The following BLTP3B variants were observed in gnomAD, a reference collection of about 807,000 sequenced individuals.
BLTP3B encodes the protein bridge-like lipid transfer protein family member 3B.
At chr12:100,117,086 A>AATAC in the BLTP3B span, among the ~76,000 whole-genome samples, 1 of 152,238 alleles carries the variant, frequency 6.6e-6, no homozygotes, top group Non-Finnish European at 1.5e-5. Flanking sequence ...TAAATAAATA[A>AATAC]CTTGGAGAAA....
chr12:100,077,611 T>C, the BLTP3B span, among the ~76,000 whole-genome samples: 11 of 152,328 alleles, frequency 7.2e-5, no homozygotes, highest in Non-Finnish European at 1.3e-4. Context: ...CTTCAGATAT[T>C]GCCAAATGTC....
the BLTP3B span, among the ~76,000 whole-genome samples, chr12:100,115,643 G>A: frequency 4.8e-3 from 731 of 152,034 alleles, 5 homozygotes; most frequent in Non-Finnish European, 7.7e-3. Flanking sequence ...GGTGGCACAC[G>A]CCTGTAGCTA....
chr12:100,082,893 A>G, the BLTP3B span: 1 of 677,102 alleles, frequency 1.5e-6, no homozygotes, highest in Non-Finnish European at 2.5e-6. Flanking sequence ...ATGCCATCTA[A>G]TATGGCCATT....
chr12:100,109,518 T>C, the BLTP3B span, among the ~76,000 whole-genome samples: 2 of 152,076 alleles, frequency 1.3e-5, no homozygotes, highest in African/African-American at 4.8e-5. Context: ...AATCCCAGCA[T>C]TTTAGGAGTC....
At chr12:100,141,514 A>T in the BLTP3B span, among the ~76,000 whole-genome samples, 1 of 152,162 alleles carries the variant, frequency 6.6e-6, no homozygotes, top group Non-Finnish European at 1.5e-5. Context: ...ATTCAGTATT[A>T]TAAGTGAGGA....
At chr12:100,085,493 A>G in the BLTP3B span, among the ~76,000 whole-genome samples, 67 of 152,350 alleles carry the variant, frequency 4.4e-4, no homozygotes, top group African/African-American at 1.5e-3. Flanking sequence ...GAATTATTAT[A>G]TTGAATGTTG....
the BLTP3B span, among the ~76,000 whole-genome samples, chr12:100,122,595 C>T: frequency 1.3e-5 from 2 of 152,176 alleles, no homozygotes; most frequent in African/African-American, 4.8e-5. Context: ...TAAACATTTT[C>T]TTTTTTCATA....
At chr12:100,063,611 C>T in the BLTP3B span, among the ~76,000 whole-genome samples, 22 of 149,980 alleles carry the variant, frequency 1.5e-4, no homozygotes, top group African/African-American at 3.9e-4. Flanking sequence ...GAGGCTGAGG[C>T]GGGAGAATCA....
the BLTP3B span, among the ~76,000 whole-genome samples, chr12:100,096,802 C>CA: frequency 6.6e-6 from 1 of 151,908 alleles, no homozygotes; most frequent in Non-Finnish European, 1.5e-5. Flanking sequence ...GCCTGGGCAA[C>CA]AGAGCAAGAC....
At chr12:100,101,777 C>T in the BLTP3B span, among the ~76,000 whole-genome samples, 1 of 151,976 alleles carries the variant, frequency 6.6e-6, no homozygotes, top group Non-Finnish European at 1.5e-5. Context: ...TTAGAGTAAC[C>T]CAAAAGGTCT....
the BLTP3B span, chr12:100,060,107 A>G: frequency 8.0e-7 from 1 of 1,242,302 alleles, no homozygotes; most frequent in Non-Finnish European, 1.1e-6. Flanking sequence ...CCCTGAGAAC[A>G]AAAAATACAT....
chr12:100,054,138 T>G, the BLTP3B span, among the ~76,000 whole-genome samples: 1 of 152,198 alleles, frequency 6.6e-6, no homozygotes, highest in African/African-American at 2.4e-5. Context: ...TGATAAATTA[T>G]AAACAATCTA....
chr12:100,042,378 A>T, the BLTP3B span, among the ~76,000 whole-genome samples: 1 of 152,212 alleles, frequency 6.6e-6, no homozygotes, highest in Non-Finnish European at 1.5e-5. Flanking sequence ...CAATTTTAAA[A>T]CTTACTCTAA....
the BLTP3B span, among the ~76,000 whole-genome samples, chr12:100,115,763 G>GA: frequency 1.2e-4 from 17 of 146,590 alleles, no homozygotes; most frequent in East Asian, 6.0e-4. Flanking sequence ...TCCTGTCTGG[G>GA]AAAAAAAAAC....
chr12:100,126,125 C>T, the BLTP3B span, among the ~76,000 whole-genome samples: 7 of 152,106 alleles, frequency 4.6e-5, no homozygotes, highest in African/African-American at 1.7e-4. Flanking sequence ...GTAAAGAAGA[C>T]TTTGGGAAGG....
the BLTP3B span, among the ~76,000 whole-genome samples, chr12:100,060,425 A>T: frequency 2.0e-5 from 3 of 152,202 alleles, no homozygotes; most frequent in African/African-American, 7.2e-5. Flanking sequence ...TTCTTGATGA[A>T]GTATCACATC....
chr12:100,053,292 C>A, the BLTP3B span, among the ~76,000 whole-genome samples: 1 of 151,520 alleles, frequency 6.6e-6, no homozygotes, highest in Non-Finnish European at 1.5e-5. Context: ...GTAATCCCAG[C>A]TATTCAGGAG....
At chr12:100,102,079 C>T in the BLTP3B span, among the ~76,000 whole-genome samples, 308 of 150,472 alleles carry the variant, frequency 2.0e-3, 1 homozygote, top group African/African-American at 7.0e-3. Flanking sequence ...GTATTACAGG[C>T]GTGGGCCACT....
the BLTP3B span, among the ~76,000 whole-genome samples, chr12:100,092,286 G>A: frequency 6.6e-6 from 1 of 152,152 alleles, no homozygotes; most frequent in Non-Finnish European, 1.5e-5. Flanking sequence ...AATCAGATTA[G>A]GACATTCTGT....
Sources: allele counts gnomAD v4.1 joint callset (sites outside exome capture counted in the v4.1 genomes callset), GRCh38; gene constraint gnomAD v4.1.1; transcripts MANE v1.5; gene names NCBI Gene and HGNC (gene_info 2026-07-23, HGNC 2026-07-21).